LEMD2: variants seen among roughly 807,000 people sequenced by gnomAD.
LEMD2 encodes LEM domain-containing protein 2.
In LEMD2, 34 loss-of-function variants were observed where a neutral mutation model predicts 58.8. That is an observed-to-expected ratio of 0.58 (90% CI 0.44 to 0.77). LEMD2 has a LOEUF of 0.77. Ranked by LOEUF, LEMD2 falls within the 30% of genes least tolerant of loss-of-function variation. LEMD2 has a pLI of 0.00. For synonymous variants in LEMD2, 298 were observed against 308.9 expected (o/e 0.96, Z 0.37); for missense variants, 629 against 717.9 (o/e 0.88, Z 1.42).
At position 33,781,160 on chromosome 6, in the gene LEMD2, GA is replaced by G. The variant is rs3833665; in HGVS notation, c.854-8del. The G allele has an allele frequency of 3.8e-6, 6 of 1,562,696 alleles. No homozygotes were observed. The highest frequency in any genetic ancestry group is 1.4e-5 in the African/African-American group (1 of 73,706). On this transcript the variant is annotated splice_polypyrimidine_tract_variant and splice_region_variant and intron_variant, in intron 3 of 8. Transcript: ENST00000293760. ...TTTCCACACTCAAAATTACCTAGGA[GA>G]AAAAAAACCACACATGCTCAAACAC...
rs754334541 is a variant in LEMD2 at position 33,772,728 on chromosome 6, T to C, written c.1412A>G (p.Asn471Ser). 6.4e-5 allele frequency: 104 copies of C among 1,613,916 alleles called. 1 individual carries two copies. Among genetic ancestry groups the C allele is most frequent in the Middle Eastern group, 3.3e-4 (2 of 6,084 alleles). ...GGACTCCGTCTGGATCCGGGATTCG[T>C]TGGAGGCCAGGAACTCCACAGCTCG... ...WDRAVEFLAS[N>S]ESRIQTESHR... Residue 471 changes from asparagine to serine, a missense_variant, in exon 9 of 9, where the codon AAC becomes AGC. By Grantham distance (46) the Asn-to-Ser change is conservative. Transcript: ENST00000293760.
intron 8 of LEMD2, 100 bp from the exon 9 acceptor site, chr6:33,772,878 G>T: frequency 2.7e-6 from 3 of 1,126,994 alleles, no homozygotes; most frequent in Non-Finnish European, 3.8e-6. Context: ...CTCTGGCATG[G>T]AATTTATGTA....
intron 1 of LEMD2, among the ~76,000 whole-genome samples, chr6:33,787,800 C>CA (rs1767715122): frequency 6.6e-6 from 1 of 152,212 alleles, no homozygotes; most frequent in Non-Finnish European, 1.5e-5. Context: ...GAGGGTGCTA[C>CA]AAGCAATGAT....
rs907175987 is a variant in LEMD2 at position 33,781,291 on chromosome 6, T to A, written c.854-138A>T. On this transcript the variant is annotated intron_variant, in intron 3 of 8. Transcript: ENST00000293760. ...AGCGGCTCCTGGCTTCTGTGGGGCA[T>A]CTTCACTCTGCAGCAAGATCAAAAG... is the stretch of plus-strand genomic sequence containing the variant. The A allele has an allele frequency of 1.9e-5, 12 of 627,646 alleles. No homozygotes were observed. In the Middle Eastern group the frequency reaches 1.5e-3, roughly 78 times the overall value. 38.9% of individuals were successfully genotyped at this position (627,646 alleles called of 1,614,324 possible).
intron 2 of LEMD2, among the ~76,000 whole-genome samples, chr6:33,785,060 T>C (rs1284938513): frequency 6.6e-6 from 1 of 151,904 alleles, no homozygotes; most frequent in African/African-American, 2.4e-5. Flanking sequence ...TCCCAGCCTG[T>C]CCCCACGTTT....
chr6:33,772,858 CA>C, intron 8 of LEMD2, 80 bp from the exon 9 acceptor site: 1 of 1,295,310 alleles, frequency 7.7e-7, no homozygotes, highest in Non-Finnish European at 1.1e-6. Flanking sequence ...AAAGGGCACA[CA>C]TTTCCAGGCT....
chr6:33,780,966 A>G, intron 4 of LEMD2, 111 bp downstream of exon 4: 1 of 694,646 alleles, frequency 1.4e-6, no homozygotes, highest in South Asian at 1.7e-5. Context: ...AAGGTAGCCT[A>G]GTACAAAAGC....
chr6:33,772,685 C>T lies in LEMD2; in HGVS notation c.1455G>A (p.Glu485=). The T allele has an allele frequency of 1.2e-6, 2 of 1,614,104 alleles. No individual in the cohort carries two copies. Among genetic ancestry groups the T allele is most frequent in the Non-Finnish European group, 1.7e-6 (2 of 1,180,014 alleles). Residue 485 remains glutamate, a synonymous_variant, in exon 9 of 9, where the codon GAG becomes GAA. Transcript: ENST00000293760. The part of the protein sequence containing the change: ...IQTESHRVAG[E]DMLVWRWTKP... Reference sequence around the variant, plus strand: ...TAGTCCATCTCCACACCAGCATGTCCTCTCCTGCAACGCGGTGGGACTCCG... The same window carrying T: ...TAGTCCATCTCCACACCAGCATGTCTTCTCCTGCAACGCGGTGGGACTCCG...
At chr6:33,786,653 CT>C (rs1767684179) in intron 2 of LEMD2, 80 bp downstream of exon 2, 4 of 1,089,318 alleles carry the variant, frequency 3.7e-6, no homozygotes, top group Non-Finnish European at 5.6e-6. Context: ...TGATCCTATT[CT>C]TTTTCTGGGG....
Position 33,784,231 on chromosome 6 carries a change from T to G in LEMD2, c.853+121A>C, listed in dbSNP as rs112475963. 3.6e-5 allele frequency: 29 copies of G among 810,236 alleles called. 1 individual carries two copies. Among genetic ancestry groups the G allele is most frequent in the African/African-American group, 3.5e-4 (21 of 60,076 alleles). 50.2% of individuals were successfully genotyped at this position (810,236 alleles called of 1,614,324 possible). On this transcript the variant is annotated intron_variant, in intron 3 of 8. Coordinates refer to ENST00000293760, the MANE Select transcript of LEMD2 (RefSeq NM_181336.4). ...GTGAGACTCGGCTTCTGAATATGCC[T>G]TCTGAGAGACAACCAGGGAGTGTCT...
rs762539768 is a variant in LEMD2 at position 33,778,417 on chromosome 6, T to C, written c.1011-30A>G. ...AACAGGACACAGGGCTCTGAACATG[T>C]TGGAAAGCTCCAAGGAGAGGCAGTG... On this transcript the variant is annotated intron_variant, in intron 5 of 8. Coordinates refer to ENST00000293760, the MANE Select transcript of LEMD2 (RefSeq NM_181336.4). The surrounding 1 kb of genome is among the most constrained non-coding windows in gnomAD (Gnocchi z 4.7). 44 of 1,455,596 alleles carry C rather than the reference T, an allele frequency of 3.0e-5. No individual in the cohort carries two copies. The highest frequency in any genetic ancestry group is 3.9e-5 in the Non-Finnish European group (43 of 1,095,120). The allele number at this position is 1,455,596 out of a possible 1,614,324, so 90.2% of individuals were successfully genotyped here. A position where few individuals can be genotyped will look rare whatever the true frequency, so the allele number is the denominator to read the frequency against.
rs1463027379 is a variant in LEMD2 at position 33,786,482 on chromosome 6, G to C, written c.777+252C>G. 2.0e-5 allele frequency among the ~76,000 whole-genome samples: 3 copies of C among 152,176 alleles called. No homozygotes were observed. In the South Asian group the frequency reaches 6.2e-4, roughly 32 times the overall value. On this transcript the variant is annotated intron_variant, in intron 2 of 8. Transcript: ENST00000293760. The stretch of plus-strand genomic sequence containing the variant: ...TTGACTCAGGCAGATCAAAGTCCCC[G>C]ATGCTACATTTGATGGGAAAGTGTC...
intron 2 of LEMD2, 42 bp from the exon 3 acceptor site, chr6:33,784,469 TGGGAG>T: frequency 2.7e-5 from 1 of 36,546 alleles, no homozygotes; most frequent in East Asian, 8.3e-4. Flanking sequence ...GAGGGGTGGG[TGGGAG>T]GGGTCCGTCT....
In LEMD2 at chr6:33,771,502, C is replaced by G. The variant is rs937820660; in HGVS notation, c.*1126G>C. 1.3e-5 allele frequency: 2 copies of G among 152,284 alleles called. No homozygotes were observed. The highest frequency in any genetic ancestry group is 2.9e-5 in the Non-Finnish European group (2 of 68,060). The allele number at this position is 152,284 out of a possible 1,614,324, so 9.4% of individuals were successfully genotyped here. A position where few individuals can be genotyped will look rare whatever the true frequency, so the allele number is the denominator to read the frequency against. On this transcript the variant is annotated 3_prime_UTR_variant, in exon 9 of 9. Transcript: ENST00000293760. ...GCTGTGGAATTTCCTGTTTGCTCCCCCTCTCCTGCCTGCCGCAGATGAGGA... is the reference window on the plus strand; with the variant it reads ...GCTGTGGAATTTCCTGTTTGCTCCCGCTCTCCTGCCTGCCGCAGATGAGGA...
At chr6:33,786,413 G>A (rs1199824910) in intron 2 of LEMD2, among the ~76,000 whole-genome samples, 1 of 152,150 alleles carries the variant, frequency 6.6e-6, no homozygotes, top group Non-Finnish European at 1.5e-5. Context: ...CAGTGCCAGG[G>A]AGCTTGAGGG....
chr6:33,788,991 G>T lies in LEMD2; in HGVS notation c.126C>A (p.Ala42=). 6.5e-7 allele frequency: 1 copy of T among 1,548,720 alleles called. No individual in the cohort carries two copies. The highest frequency in any genetic ancestry group is 8.7e-7 in the Non-Finnish European group (1 of 1,155,098). The change falls in exon 1 of 9, where the codon GCC becomes GCA. Residue 42 remains alanine, a synonymous_variant. Transcript: ENST00000293760. The stretch of plus-strand genomic sequence containing the variant: ...GCAGCCGCTCCTCGTCGCGCAGCCG[G>T]GCCTCGCCCCGCAGGCGGCGCAGCT... ...RNKLRRLRGE[A]RLRDEERLRE...
Position 33,789,021 on chromosome 6 carries a change from G to A in LEMD2, c.96C>T (p.Arg32=), listed in dbSNP as rs1349654203. 3 of 1,557,010 alleles carry A rather than the reference G, an allele frequency of 1.9e-6. No homozygotes were observed. In the East Asian group the frequency reaches 7.9e-5, roughly 41 times the overall value. Residue 32 remains arginine, a synonymous_variant, in exon 1 of 9, where the codon CGC becomes CGT. Transcript: ENST00000293760. ...PITDTTRDVY[R]NKLRRLRGEA... ...CGCCCCGCAGGCGGCGCAGCTTGTT[G>A]CGGTAGACATCCCGGGTGGTGTCGG...
chr6:33,788,580 G>C lies in LEMD2; in HGVS notation c.537C>G (p.Pro179=), dbSNP rs1157635825. ...PARLPSSLLG[P]DPRPGLRATR... ...TCGCCCGCAGGCCCGGGCGCGGGTC[G>C]GGACCGAGGAGGGAGGAAGGCAGCC... Residue 179 remains proline, a synonymous_variant, in exon 1 of 9, where the codon CCC becomes CCG. Coordinates refer to ENST00000293760, the MANE Select transcript of LEMD2 (RefSeq NM_181336.4). 3.2e-5 allele frequency: 42 copies of C among 1,328,888 alleles called. No homozygotes were observed. Among genetic ancestry groups the C allele is most frequent in the Non-Finnish European group, 3.6e-5 (38 of 1,043,408 alleles). 82.3% of individuals were successfully genotyped at this position (1,328,888 alleles called of 1,614,324 possible).
rs1184632610 is a variant in LEMD2, at chr6:33,777,341, T to C, written c.1157-102A>G. On this transcript the variant is annotated intron_variant, in intron 6 of 8. Transcript: ENST00000293760. ...TGGATGCTGTGGGGGATCCACCACA[T>C]GGGTTTGGGTACCTACTATGTGTCA... The C allele has an allele frequency of 1.9e-5, 16 of 834,844 alleles. No homozygotes were observed. The East Asian group carries it at 3.6e-4, about 19-fold the overall frequency. The allele number at this position is 834,844 out of a possible 1,614,324, so 51.7% of individuals were successfully genotyped here.
Sources: gnomAD v4.1 joint callset for allele counts (sites outside exome capture counted in the v4.1 genomes callset) on GRCh38, gnomAD v4.1.1 for gene constraint, Gnocchi (gnomAD v3.1) non-coding constraint, MANE v1.5 for transcripts, NCBI Gene and HGNC (gene_info 2026-07-23, HGNC 2026-07-21) for gene names.